Variants in ELMO1 observed in about 807,000 individuals in gnomAD.
The protein encoded by ELMO1 is engulfment and cell motility protein 1.
Under a neutral mutation model 98.9 loss-of-function variants are expected in ELMO1, and 26 were observed. The observed-to-expected ratio is 0.26, with a 90% CI of 0.19 to 0.36. The LOEUF (loss-of-function observed/expected upper bound fraction) is 0.36, where lower values mean the gene tolerates loss of function less well. Ranked by LOEUF, ELMO1 falls within the 10% of genes least tolerant of loss-of-function variation. The pLI, the probability that ELMO1 is intolerant of heterozygous loss-of-function variation, is 1.00. For missense variants in ELMO1, 627 were observed against 935.2 expected (o/e 0.67, Z 4.30); for synonymous variants, 346 against 346.0 (o/e 1.00, Z 0.00).
chr7:37,203,094 C>T (rs1428272355), intron 13 of ELMO1, among the ~76,000 whole-genome samples: 1 of 152,178 alleles, frequency 6.6e-6, no homozygotes, highest in African/African-American at 2.4e-5. Context: ...AGCAGAAACA[C>T]TAGTTTTCCT....
intron 16 of ELMO1, among the ~76,000 whole-genome samples, chr7:36,975,908 T>C (rs1008795738): frequency 2.0e-5 from 3 of 150,742 alleles, no homozygotes; most frequent in Non-Finnish European, 3.0e-5. Flanking sequence ...TGAATGTACA[T>C]ACAATAGTGA....
At chr7:37,122,523 A>T (rs998462450) in intron 14 of ELMO1, among the ~76,000 whole-genome samples, 1 of 152,226 alleles carries the variant, frequency 6.6e-6, no homozygotes, top group Non-Finnish European at 1.5e-5. Context: ...AGCAACAAAG[A>T]TCAAAAGAGA....
intron 16 of ELMO1, chr7:37,002,225 T>C (rs1792725635): frequency 6.6e-6 from 1 of 152,228 alleles, no homozygotes; most frequent in African/African-American, 2.4e-5. Flanking sequence ...AAAGCCCAGC[T>C]CAATCACTTG....
intron 1 of ELMO1, among the ~76,000 whole-genome samples, chr7:37,409,189 G>A (rs985642189): frequency 6.6e-6 from 1 of 151,542 alleles, no homozygotes; most frequent in Admixed American, 6.6e-5. Flanking sequence ...AAAAGTTCGT[G>A]GGTAGCTTTT....
intron 1 of ELMO1, among the ~76,000 whole-genome samples, chr7:37,414,466 G>A (rs1804127501): frequency 6.6e-6 from 1 of 152,164 alleles, no homozygotes; most frequent in Admixed American, 6.5e-5. Flanking sequence ...ACTGGCTATG[G>A]TGGATACTTG....
intron 1 of ELMO1, among the ~76,000 whole-genome samples, chr7:37,364,566 G>A (rs1312126144): frequency 1.4e-5 from 2 of 145,830 alleles, no homozygotes; most frequent in East Asian, 4.2e-4. Context: ...ATGCTTTAAT[G>A]CTTTAATGCT....
chr7:37,290,734 AT>A (rs1797633237), intron 4 of ELMO1, among the ~76,000 whole-genome samples: 1 of 152,232 alleles, frequency 6.6e-6, no homozygotes, highest in African/African-American at 2.4e-5. Context: ...GAGAATGCAA[AT>A]TTTTCCCAAA....
intron 2 of ELMO1, among the ~76,000 whole-genome samples, chr7:37,339,690 C>T (rs945088795): frequency 4.6e-5 from 7 of 152,118 alleles, no homozygotes; most frequent in African/African-American, 1.7e-4. Context: ...CCATAAGTCT[C>T]ATTGTAATTC....
At chr7:37,129,969 AC>A (rs1237351524) in intron 14 of ELMO1, among the ~76,000 whole-genome samples, 1 of 152,072 alleles carries the variant, frequency 6.6e-6, no homozygotes, top group East Asian at 1.9e-4. Flanking sequence ...GCACCATTGT[AC>A]CTTTGCTCTC....
intron 13 of ELMO1, among the ~76,000 whole-genome samples, chr7:37,159,940 G>A (rs891802508): frequency 1.1e-4 from 16 of 152,008 alleles, no homozygotes; most frequent in African/African-American, 2.9e-4. Flanking sequence ...TTTCCCTTAT[G>A]GCCAAAATAT....
intron 16 of ELMO1, among the ~76,000 whole-genome samples, chr7:36,913,538 T>C (rs561445986): frequency 6.6e-6 from 1 of 152,348 alleles, no homozygotes; most frequent in East Asian, 1.9e-4. Context: ...TCAACATTCT[T>C]ACTGTCCTTA....
intron 16 of ELMO1, among the ~76,000 whole-genome samples, chr7:36,924,463 A>C (rs1198088253): frequency 6.6e-6 from 1 of 152,128 alleles, no homozygotes; most frequent in Admixed American, 6.5e-5. Context: ...AATGCTGTAC[A>C]AAAAAATAGA....
Position 37,314,938 on chromosome 7 carries a change from G to A in ELMO1, c.120-16C>T, listed in dbSNP as rs756062603. On this transcript the variant is annotated splice_polypyrimidine_tract_variant and intron_variant, in intron 3 of 21. Coordinates refer to ENST00000310758, the MANE Select transcript of ELMO1 (RefSeq NM_014800.11). ...AAGAGACCACCTTAAAAATACAAGC[G>A]TATACTGATTAGAAAAATGAAAGTG... 2.3e-5 allele frequency: 37 copies of A among 1,604,974 alleles called. No homozygotes were observed. In the South Asian group the frequency reaches 3.0e-4, roughly 13 times the overall value.
intron 7 of ELMO1, among the ~76,000 whole-genome samples, chr7:37,234,229 G>A (rs527267640): frequency 6.6e-6 from 1 of 152,062 alleles, no homozygotes; most frequent in Non-Finnish European, 1.5e-5. Flanking sequence ...AATAAAGTTG[G>A]TTATATAGAT....
At chr7:37,029,781 T>C (rs543686971) in intron 15 of ELMO1, among the ~76,000 whole-genome samples, 5 of 152,346 alleles carry the variant, frequency 3.3e-5, no homozygotes, top group African/African-American at 1.2e-4. Flanking sequence ...TTTTTATTCC[T>C]GGGCCACTGG....
intron 14 of ELMO1, 88 bp downstream of exon 14, chr7:37,133,042 A>G: frequency 1.1e-6 from 1 of 950,448 alleles, no homozygotes. Context: ...GGGGTCACTC[A>G]TCTAAAGGTA....
chr7:37,232,985 T>A lies in ELMO1; in HGVS notation c.549+110A>T, dbSNP rs1337843553. 4 of 943,910 alleles carry A rather than the reference T, an allele frequency of 4.2e-6. No individual in the cohort carries two copies. The African/African-American group carries it at 6.7e-5, about 16-fold the overall frequency. The allele number at this position is 943,910 out of a possible 1,614,324, so 58.5% of individuals were successfully genotyped here. A position where few individuals can be genotyped will look rare whatever the true frequency, so the allele number is the denominator to read the frequency against. ...TATTATAAAAAATCATACCCATCTT[T>A]TAATATAAAGAACTAAAGGAAAGAC... On this transcript the variant is annotated intron_variant, in intron 8 of 21. Transcript: ENST00000310758.
At chr7:36,966,828 T>C (rs1309807366) in intron 16 of ELMO1, among the ~76,000 whole-genome samples, 1 of 152,258 alleles carries the variant, frequency 6.6e-6, no homozygotes, top group Non-Finnish European at 1.5e-5. Flanking sequence ...GGGCCAGTTT[T>C]ATTTAAGAGA....
rs1801959967 is a variant in ELMO1 at position 36,853,030 on chromosome 7, G to C, written c.*2521C>G. 6.6e-6 allele frequency among the ~76,000 whole-genome samples: 1 copy of C among 152,160 alleles called. No homozygotes were observed. Among genetic ancestry groups the C allele is most frequent in the African/African-American group, 2.4e-5 (1 of 41,444 alleles). ...GATTTGGCTGAGTTGCCCAGGCTTA[G>C]GAAACTGCAGGCAACAGGAGATGAG... On this transcript the variant is annotated 3_prime_UTR_variant, in exon 22 of 22. Coordinates refer to ENST00000310758, the MANE Select transcript of ELMO1 (RefSeq NM_014800.11).
Sources: allele counts gnomAD v4.1 joint callset (sites outside exome capture counted in the v4.1 genomes callset), GRCh38; gene constraint gnomAD v4.1.1; transcripts MANE v1.5; gene names NCBI Gene and HGNC (gene_info 2026-07-23, HGNC 2026-07-21).